GLIS3: variants seen among roughly 807,000 people sequenced by gnomAD.
GLIS3 encodes zinc finger protein GLIS3.
GLIS3 carries 53 observed loss-of-function variants against 78.6 expected under a neutral mutation model. That is an observed-to-expected ratio of 0.67 (90% CI 0.54 to 0.85). GLIS3 has a LOEUF of 0.85. Ranked by LOEUF, GLIS3 falls within the 40% of genes least tolerant of loss-of-function variation. GLIS3 has a pLI of 0.00. For synonymous variants in GLIS3, 684 were observed against 509.9 expected, an observed-to-expected ratio of 1.34 and a Z score of -4.60; for missense variants, 1,703 against 1,231.1, an observed-to-expected ratio of 1.38 and a Z score of -5.74.
chr9:4,119,693 C>G (rs1467594109), intron 3 of GLIS3, among the ~76,000 whole-genome samples: 1 of 152,208 alleles, frequency 6.6e-6, no homozygotes, highest in Non-Finnish European at 1.5e-5. Flanking sequence ...GCAGATCGTT[C>G]ACTTTCTGTA....
At chr9:3,983,649 G>C (rs1819485007) in intron 4 of GLIS3, among the ~76,000 whole-genome samples, 1 of 152,184 alleles carries the variant, frequency 6.6e-6, no homozygotes, top group Non-Finnish European at 1.5e-5. Context: ...CTGGAACAAA[G>C]GTGACTCTTG....
At chr9:3,932,668 G>A (rs2130779904) in intron 5 of GLIS3, 198 bp from the exon 6 acceptor site, 1 of 539,192 alleles carries the variant, frequency 1.9e-6, no homozygotes, top group African/African-American at 1.9e-5. Flanking sequence ...AAACTTTCAA[G>A]GAACAAAGAG....
rs1232181109 is a variant in GLIS3, at chr9:4,286,188, G to T, written c.238C>A (p.His80Asn). 6.2e-7 allele frequency: 1 copy of T among 1,614,134 alleles called. No homozygotes were observed. The highest frequency in any genetic ancestry group is 8.5e-7 in the Non-Finnish European group (1 of 1,180,056). ...PQNNVAESRI[H>N]LPALSPRRQM... Reference sequence around the variant, plus strand: ...CTCCTGGGGCTTAAGGCAGGCAGATGGATGCGGCTCTCAGCCACGTTGTTC... The same window carrying T: ...CTCCTGGGGCTTAAGGCAGGCAGATTGATGCGGCTCTCAGCCACGTTGTTC... Residue 80 changes from histidine (H) to asparagine (N), a missense_variant, in exon 2 of 11, where the codon CAT becomes AAT. By Grantham distance (68) the His-to-Asn change is moderately conservative (BLOSUM62 1). Coordinates refer to ENST00000381971, the MANE Select transcript of GLIS3 (RefSeq NM_001042413.2).
At chr9:3,889,135 C>T (rs1588156781) in intron 7 of GLIS3, among the ~76,000 whole-genome samples, 1 of 152,132 alleles carries the variant, frequency 6.6e-6, no homozygotes, top group Non-Finnish European at 1.5e-5. Context: ...CCAGGACTGC[C>T]CCTGCCTCTG....
At chr9:4,046,137 T>C (rs139084698) in intron 4 of GLIS3, among the ~76,000 whole-genome samples, 15 of 152,358 alleles carry the variant, frequency 9.8e-5, no homozygotes, top group African/African-American at 3.1e-4. Context: ...AGGTCTCTTA[T>C]GGCAGTCTTA....
chr9:4,444,464 C>T, the GLIS3 span, among the ~76,000 whole-genome samples: 1 of 152,212 alleles, frequency 6.6e-6, no homozygotes, highest in Non-Finnish European at 1.5e-5. Context: ...ATGATAATCT[C>T]CTGGCTCTAA....
the GLIS3 span, among the ~76,000 whole-genome samples, chr9:4,401,590 CAG>C: frequency 1.5e-5 from 2 of 131,144 alleles, no homozygotes; most frequent in African/African-American, 3.2e-5. Context: ...TTTTTTGCAA[CAG>C]AGTCTCACTC....
chr9:4,166,108 C>G (rs892141291), intron 2 of GLIS3, among the ~76,000 whole-genome samples: 1 of 152,236 alleles, frequency 6.6e-6, no homozygotes, highest in African/African-American at 2.4e-5. Flanking sequence ...ACCTCAATTA[C>G]TCCCTCTGGC....
intron 4 of GLIS3, among the ~76,000 whole-genome samples, chr9:4,084,406 A>T (rs1427169290): frequency 6.6e-6 from 1 of 152,106 alleles, no homozygotes; most frequent in African/African-American, 2.4e-5. Flanking sequence ...GAGAGGAAAA[A>T]ATAATGGCAA....
At chr9:4,390,036 T>C in the GLIS3 span, among the ~76,000 whole-genome samples, 1 of 152,218 alleles carries the variant, frequency 6.6e-6, no homozygotes, top group Admixed American at 6.5e-5. Flanking sequence ...TACTATGTGC[T>C]GCAATGGGCT....
At chr9:4,065,797 G>A (rs1827047058) in intron 4 of GLIS3, among the ~76,000 whole-genome samples, 2 of 152,004 alleles carry the variant, frequency 1.3e-5, no homozygotes, top group Admixed American at 1.3e-4. Context: ...AAAATTACAT[G>A]GTTAAAGCAT....
intron 4 of GLIS3, among the ~76,000 whole-genome samples, chr9:3,942,406 A>C (rs1304589346): frequency 6.6e-6 from 1 of 152,116 alleles, no homozygotes; most frequent in Non-Finnish European, 1.5e-5. Context: ...ATACAACCCA[A>C]AGAGAAGAAA....
chr9:4,055,540 T>A (rs1452886162), intron 4 of GLIS3, among the ~76,000 whole-genome samples: 3 of 152,172 alleles, frequency 2.0e-5, no homozygotes, highest in Non-Finnish European at 4.4e-5. Context: ...CTGTAGAGAA[T>A]TTGTGACATC....
At chr9:4,320,008 TGTGTGTGTGTGTGTGTGC>T (rs1246880293) in intron 2 of GLIS3, among the ~76,000 whole-genome samples, 1,840 of 44,330 alleles carry the variant, frequency 0.042, 45 homozygotes, top group African/African-American at 0.086. Context: ...TGTGTGTGTG[TGTGTGTGTGTGTGTGTGC>T]GCGCGCACAA....
At chr9:4,206,140 G>A (rs1224565947) in intron 2 of GLIS3, among the ~76,000 whole-genome samples, 2 of 152,062 alleles carry the variant, frequency 1.3e-5, no homozygotes, top group Non-Finnish European at 2.9e-5. Flanking sequence ...ATGCTTTCTG[G>A]TCACTAGATC....
intron 4 of GLIS3, among the ~76,000 whole-genome samples, chr9:3,949,450 G>C (rs1816520750): frequency 1.3e-5 from 2 of 152,170 alleles, no homozygotes; most frequent in Admixed American, 1.3e-4. Flanking sequence ...GCATAAAAGA[G>C]TCAACATGAC....
chr9:3,938,882 AG>A (rs1826042232), intron 4 of GLIS3, among the ~76,000 whole-genome samples: 1 of 152,200 alleles, frequency 6.6e-6, no homozygotes, highest in Admixed American at 6.5e-5. Flanking sequence ...TTAAGAATAA[AG>A]GGGCTCAACA....
At chr9:4,314,111 T>C (rs1817404491) in intron 2 of GLIS3, among the ~76,000 whole-genome samples, 1 of 152,232 alleles carries the variant, frequency 6.6e-6, no homozygotes, top group Non-Finnish European at 1.5e-5. Flanking sequence ...TGCCTCAGTT[T>C]TCTCAGCAGC....
At chr9:4,205,175 CAAA>C (rs200420029) in intron 2 of GLIS3, among the ~76,000 whole-genome samples, 9 of 124,738 alleles carry the variant, frequency 7.2e-5, no homozygotes, top group African/African-American at 5.9e-5. Context: ...GAGACTCTGT[CAAA>C]AAAAAAAAAA....
Sources: gnomAD v4.1 joint callset for allele counts (sites outside exome capture counted in the v4.1 genomes callset) on GRCh38, gnomAD v4.1.1 for gene constraint, MANE v1.5 for transcripts, NCBI Gene and HGNC (gene_info 2026-07-23, HGNC 2026-07-21) for gene names.